Variants in RGS7 observed in about 807,000 individuals in gnomAD.
RGS7 encodes regulator of G-protein signaling 7.
RGS7 carries 27 observed loss-of-function variants against 81.1 expected under a neutral mutation model. The observed-to-expected ratio is 0.33, with a 90% CI of 0.25 to 0.46. The LOEUF is 0.46. RGS7 is among the 20% of genes least tolerant of loss of function. The pLI, the probability that RGS7 is intolerant of heterozygous loss-of-function variation, is 1.00. For missense variants in RGS7, 396 were observed against 607.4 expected (o/e 0.65, Z 3.66); for synonymous variants, 208 against 207.7 (o/e 1.00, Z -0.01).
intron 2 of RGS7, among the ~76,000 whole-genome samples, chr1:241,256,333 A>G (rs1313612255): frequency 3.9e-5 from 6 of 152,230 alleles, no homozygotes; most frequent in Non-Finnish European, 8.8e-5. Context: ...TATGCTCTGA[A>G]AAAAATGTTT....
intron 9 of RGS7, among the ~76,000 whole-genome samples, chr1:240,839,802 C>T (rs182824667): frequency 1.3e-5 from 2 of 152,192 alleles, no homozygotes; most frequent in Admixed American, 6.5e-5. Context: ...ATAAAGTGTC[C>T]AAGCCAGAAC....
intron 6 of RGS7, among the ~76,000 whole-genome samples, chr1:240,888,978 C>A (rs1018352153): frequency 1.3e-5 from 2 of 152,010 alleles, no homozygotes; most frequent in African/African-American, 4.8e-5. Context: ...GTTTTTGAGA[C>A]GGAGTCCCAC....
chr1:240,824,279 G>A (rs1348229253), intron 10 of RGS7, among the ~76,000 whole-genome samples: 3 of 152,176 alleles, frequency 2.0e-5, no homozygotes, highest in Admixed American at 1.3e-4. Flanking sequence ...GTCACGGCAC[G>A]TAATTACAGG....
intron 3 of RGS7, among the ~76,000 whole-genome samples, chr1:241,096,048 T>A (rs550708567): frequency 6.6e-6 from 1 of 152,354 alleles, no homozygotes; most frequent in Non-Finnish European, 1.5e-5. Context: ...TAGCAAAGAT[T>A]GACTCCAGTC....
intron 2 of RGS7, among the ~76,000 whole-genome samples, chr1:241,119,023 C>T (rs1445751508): frequency 6.6e-6 from 1 of 151,818 alleles, no homozygotes; most frequent in Non-Finnish European, 1.5e-5. Flanking sequence ...CACATGCTCC[C>T]CTGCTCACCC....
chr1:241,212,014 CATT>C (rs2074269418), intron 2 of RGS7, among the ~76,000 whole-genome samples: 2 of 151,670 alleles, frequency 1.3e-5, no homozygotes, highest in South Asian at 2.1e-4. Context: ...ATTACCAATC[CATT>C]ATTACATGTG....
At chr1:241,235,167 C>A (rs931477327) in intron 2 of RGS7, among the ~76,000 whole-genome samples, 1 of 152,080 alleles carries the variant, frequency 6.6e-6, no homozygotes, top group African/African-American at 2.4e-5. Context: ...CTGATAGTAA[C>A]AATGGGGTTC....
Position 240,936,714 on chromosome 1 carries a change from A to G in RGS7, c.227-8T>C, listed in dbSNP as rs763964180. ...CCAAATGGAGCGCCTCCACTGTTTT[A>G]TGAAAACAAACAAAGAACATAAAAA... is the stretch of plus-strand genomic sequence containing the variant. On this transcript the variant is annotated splice_polypyrimidine_tract_variant and splice_region_variant and intron_variant, in intron 4 of 18. Coordinates refer to ENST00000440928, the MANE Select transcript of RGS7 (RefSeq NM_001364886.1). The G allele has an allele frequency of 3.1e-6, 5 of 1,600,336 alleles. No individual in the cohort carries two copies. The Admixed American group carries it at 8.3e-5, about 27-fold the overall frequency.
intron 2 of RGS7, among the ~76,000 whole-genome samples, chr1:241,175,194 T>A (rs1474192503): frequency 6.6e-6 from 1 of 152,090 alleles, no homozygotes; most frequent in Non-Finnish European, 1.5e-5. Flanking sequence ...GAGCCACTAT[T>A]CCTGGCTCAC....
intron 2 of RGS7, among the ~76,000 whole-genome samples, chr1:241,146,746 G>A (rs975705594): frequency 3.9e-5 from 6 of 152,194 alleles, no homozygotes; most frequent in Non-Finnish European, 7.3e-5. Context: ...CATAGACTGA[G>A]TGTCTTATAC....
intron 6 of RGS7, among the ~76,000 whole-genome samples, chr1:240,878,638 G>GT (rs1480922313): frequency 1.3e-5 from 2 of 151,746 alleles, no homozygotes; most frequent in African/African-American, 4.8e-5. Flanking sequence ...GAGGAAATAT[G>GT]TTTTTTCCCC....
chr1:240,868,458 A>T lies in RGS7; in HGVS notation c.609+129T>A. 1 of 787,072 alleles carries T rather than the reference A, an allele frequency of 1.3e-6. No homozygotes were observed. The highest frequency in any genetic ancestry group is 1.9e-5 in the Admixed American group (1 of 54,040). The allele number at this position is 787,072 out of a possible 1,614,324, so 48.8% of individuals were successfully genotyped here. A position where few individuals can be genotyped will look rare whatever the true frequency, so the allele number is the denominator to read the frequency against. On this transcript the variant is annotated intron_variant, in intron 9 of 18. Transcript: ENST00000440928. The surrounding 1 kb of genome is among the most constrained non-coding windows in gnomAD (Gnocchi z 5.1). Reference sequence around the variant, plus strand: ...ACACAAAAGTGGTGATCTTTTCTTAATGAATTCACCAAGATACCATGGAGC... The same window carrying T: ...ACACAAAAGTGGTGATCTTTTCTTATTGAATTCACCAAGATACCATGGAGC...
At chr1:241,172,655 G>C (rs2070819391) in intron 2 of RGS7, among the ~76,000 whole-genome samples, 1 of 152,164 alleles carries the variant, frequency 6.6e-6, no homozygotes, top group Admixed American at 6.5e-5. Context: ...CCTTGATTTT[G>C]ATGTCAGTTA....
chr1:240,782,667 C>T (rs922759629), intron 18 of RGS7, among the ~76,000 whole-genome samples: 10 of 152,066 alleles, frequency 6.6e-5, no homozygotes, highest in Non-Finnish European at 1.5e-4. Context: ...AGCGATCCTC[C>T]CAGCTCAGTC....
At chr1:241,214,380 G>A (rs1487924267) in intron 2 of RGS7, among the ~76,000 whole-genome samples, 1 of 151,892 alleles carries the variant, frequency 6.6e-6, no homozygotes, top group African/African-American at 2.4e-5. Context: ...AATTGTATAA[G>A]CTAGTTTAAA....
intron 9 of RGS7, among the ~76,000 whole-genome samples, chr1:240,855,232 G>A (rs1213459448): frequency 2.2e-5 from 3 of 137,340 alleles, no homozygotes; most frequent in Non-Finnish European, 3.1e-5. Context: ...TTATTCACTC[G>A]TTTATTTAAC....
chr1:240,866,305 A>C (rs573882985), intron 9 of RGS7, among the ~76,000 whole-genome samples: 6 of 152,054 alleles, frequency 3.9e-5, no homozygotes, highest in South Asian at 4.1e-4. Flanking sequence ...AGGTCAGGAG[A>C]TCGAGATCAT....
At chr1:240,822,931 T>C (rs1240185237) in intron 10 of RGS7, 1 of 446,102 alleles carries the variant, frequency 2.2e-6, no homozygotes, top group East Asian at 4.5e-5. Context: ...ACCGAAATAC[T>C]AGAAAACAGT....
intron 9 of RGS7, among the ~76,000 whole-genome samples, chr1:240,831,348 C>G (rs1344734558): frequency 6.6e-6 from 1 of 152,126 alleles, no homozygotes; most frequent in Non-Finnish European, 1.5e-5. Context: ...GTGCTGATAA[C>G]CCCTGAATAA....
Sources: allele counts gnomAD v4.1 joint callset (sites outside exome capture counted in the v4.1 genomes callset), GRCh38; gene constraint gnomAD v4.1.1; non-coding constraint Gnocchi (gnomAD v3.1); transcripts MANE v1.5; gene names NCBI Gene and HGNC (gene_info 2026-07-23, HGNC 2026-07-21).